Variants in MALT1 observed in about 807,000 individuals in gnomAD.
MALT1 encodes mucosa-associated lymphoid tissue lymphoma translocation protein 1.
MALT1 carries 36 observed loss-of-function variants against 85.5 expected under a neutral mutation model. The ratio of observed to expected loss-of-function variants is 0.42; its 90% confidence interval spans 0.32 to 0.56. MALT1 has a LOEUF of 0.56. Ranked by LOEUF, MALT1 falls within the 20% of genes least tolerant of loss-of-function variation. MALT1 has a pLI of 0.10. For missense variants in MALT1, 716 were observed against 981.6 expected (o/e 0.73, Z 3.62); for synonymous variants, 359 against 361.3 (o/e 0.99, Z 0.07).
chr18:58,672,411 C>T (rs2054178267), intron 1 of MALT1: 1 of 152,208 alleles, frequency 6.6e-6, no homozygotes, highest in South Asian at 2.1e-4. Flanking sequence ...TTCTTGACTT[C>T]ACCATGAACA....
chr18:58,727,280 TTTTTTTTGGTTTTGGG>T (rs2055069042), intron 10 of MALT1, among the ~76,000 whole-genome samples: 1 of 129,080 alleles, frequency 7.7e-6, no homozygotes, highest in Non-Finnish European at 1.7e-5. Flanking sequence ...TTTTTGGGTT[TTTTTTTTGGTTTTGGG>T]TTTTTGTTTG....
rs2055433420 is a variant in MALT1 at position 58,750,554 on chromosome 18, A to C, written c.*2712A>C. 1 of 152,204 alleles carries C rather than the reference A, an allele frequency of 6.6e-6. No individual in the cohort carries two copies. The allele number at this position is 152,204 out of a possible 1,614,324, so 9.4% of individuals were successfully genotyped here. ...ATAGACATATCGATCAGAGGAATGG[A>C]ACTGAACATCCAGAAATAAACCCAT... On this transcript the variant is annotated 3_prime_UTR_variant, in exon 17 of 17. Coordinates refer to ENST00000649217, the MANE Select transcript of MALT1 (RefSeq NM_006785.4).
At chr18:58,726,829 G>A (rs558661547) in intron 10 of MALT1, among the ~76,000 whole-genome samples, 171 of 152,292 alleles carry the variant, frequency 1.1e-3, no homozygotes, top group African/African-American at 3.9e-3. Context: ...GTAGAAGAAC[G>A]GTAAAGGAGT....
At chr18:58,715,209 T>G (rs1208139653) in intron 8 of MALT1, among the ~76,000 whole-genome samples, 1 of 152,228 alleles carries the variant, frequency 6.6e-6, no homozygotes, top group Admixed American at 6.5e-5. Context: ...AATTCTTGCT[T>G]TTCTTTAATG....
In MALT1 at chr18:58,741,930, A is replaced by G; in HGVS notation, c.1669A>G (p.Lys557Glu). 6.4e-7 allele frequency: 1 copy of G among 1,572,812 alleles called. No individual in the cohort carries two copies. Among genetic ancestry groups the G allele is most frequent in the East Asian group, 2.2e-5 (1 of 44,448 alleles). The change falls in exon 14 of 17, where the codon AAG becomes GAG. Residue 557 changes from lysine to glutamate, a missense_variant. Lys to Glu is a moderately conservative substitution (Grantham distance 56). Around this residue, in one of 4 missense-constraint regions of MALT1, gnomAD observed 260 missense variants for 323.7 expected, o/e 0.80. Transcript: ENST00000649217. ...AGAGATTCGAAGTAGTTTATCTGAG[A>G]AGAGAGCACTTACTGATCCAATACA... is the stretch of plus-strand genomic sequence containing the variant. ...ALEIRSSLSE[K>E]RALTDPIQGT...
At chr18:58,734,730 A>C (rs2055201529) in intron 12 of MALT1, among the ~76,000 whole-genome samples, 1 of 152,226 alleles carries the variant, frequency 6.6e-6, no homozygotes, top group Admixed American at 6.5e-5. Context: ...TTAATTATTA[A>C]GCCCAAATTG....
In MALT1 at chr18:58,747,739, C is replaced by T. The variant is rs139583101; in HGVS notation, c.2372C>T (p.Ala791Val). Residue 791 changes from alanine to valine, a missense_variant, in exon 17 of 17, where the codon GCT becomes GTT. Ala to Val is a moderately conservative substitution (Grantham distance 64, BLOSUM62 0). Around this residue, in one of 4 missense-constraint regions of MALT1, gnomAD observed 260 missense variants for 323.7 expected, o/e 0.80. Transcript: ENST00000649217. Reference sequence around the variant, plus strand: ...CCAGATGCATTTATTTCAAGTTTCGCTCACCATGCTTCATGTCATTTTAGT... The same window carrying T: ...CCAGATGCATTTATTTCAAGTTTCGTTCACCATGCTTCATGTCATTTTAGT... The part of the protein sequence containing the change: ...RTPDAFISSF[A>V]HHASCHFSRS... 1.2e-6 allele frequency: 2 copies of T among 1,614,016 alleles called. No homozygotes were observed. Among genetic ancestry groups the T allele is most frequent in the East Asian group, 2.2e-5 (1 of 44,904 alleles).
At chr18:58,712,915 T>G (rs1256566824) in intron 7 of MALT1, among the ~76,000 whole-genome samples, 1 of 152,174 alleles carries the variant, frequency 6.6e-6, no homozygotes, top group Non-Finnish European at 1.5e-5. Flanking sequence ...TGAATACATG[T>G]ATACAAATTT....
intron 2 of MALT1, among the ~76,000 whole-genome samples, chr18:58,682,218 C>A (rs970836504): frequency 1.3e-5 from 2 of 152,138 alleles, no homozygotes; most frequent in African/African-American, 4.8e-5. Context: ...ACATGAGGAA[C>A]TTAAAACCAT....
chr18:58,704,379 G>C (rs1008198947), intron 4 of MALT1, among the ~76,000 whole-genome samples: 1 of 152,202 alleles, frequency 6.6e-6, no homozygotes, highest in Non-Finnish European at 1.5e-5. Context: ...TGGTCATTAT[G>C]AAATGCTCCT....
At chr18:58,703,599 CAG>C (rs745723783) in intron 4 of MALT1, among the ~76,000 whole-genome samples, 18 of 152,184 alleles carry the variant, frequency 1.2e-4, no homozygotes, top group South Asian at 4.1e-4. Flanking sequence ...AGAGAGCAAA[CAG>C]GGGAAATGCC....
At chr18:58,677,733 G>A (rs2054262198) in intron 1 of MALT1, 1 of 152,138 alleles carries the variant, frequency 6.6e-6, no homozygotes, top group Admixed American at 6.5e-5. Flanking sequence ...AGATTGTGCT[G>A]CCACTGGTCT....
intron 3 of MALT1, among the ~76,000 whole-genome samples, chr18:58,697,631 A>C (rs919134154): frequency 3.3e-5 from 5 of 150,988 alleles, no homozygotes; most frequent in African/African-American, 1.2e-4. Flanking sequence ...GAAATAGTGG[A>C]AAAACCCTAC....
chr18:58,737,057 A>G (rs936479437), intron 13 of MALT1, among the ~76,000 whole-genome samples: 1 of 152,122 alleles, frequency 6.6e-6, no homozygotes, highest in Non-Finnish European at 1.5e-5. Flanking sequence ...AACTCATTCC[A>G]TGGCTGGGCA....
In MALT1 at chr18:58,752,286, G is replaced by A. The variant is rs772249756; in HGVS notation, c.*4444G>A. ...GTTTAATATCTAGATAAAATCTGAT[G>A]TATGTAATTTTACTTTTAAGGGTTT... On this transcript the variant is annotated 3_prime_UTR_variant, in exon 17 of 17. Coordinates refer to ENST00000649217, the MANE Select transcript of MALT1 (RefSeq NM_006785.4). 6.6e-6 allele frequency: 1 copy of A among 152,162 alleles called. No individual in the cohort carries two copies. Among genetic ancestry groups the A allele is most frequent in the African/African-American group, 2.4e-5 (1 of 41,440 alleles). 9.4% of individuals were successfully genotyped at this position (152,162 alleles called of 1,614,324 possible). A position where few individuals can be genotyped will look rare whatever the true frequency, so the allele number is the denominator to read the frequency against.
At chr18:58,734,990 T>C (rs1412647759) in intron 12 of MALT1, among the ~76,000 whole-genome samples, 4 of 152,212 alleles carry the variant, frequency 2.6e-5, no homozygotes, top group Non-Finnish European at 4.4e-5. Context: ...ATAATTCACA[T>C]ATCACCTCAA....
chr18:58,740,194 G>A (rs570909482), intron 13 of MALT1, among the ~76,000 whole-genome samples: 7 of 152,152 alleles, frequency 4.6e-5, no homozygotes, highest in East Asian at 3.9e-4. Context: ...TTATATATCC[G>A]TTTTCATCAG....
chr18:58,727,274 TG>T (rs954239922), intron 10 of MALT1, among the ~76,000 whole-genome samples: 2 of 18,836 alleles, frequency 1.1e-4, no homozygotes, highest in Admixed American at 1.8e-3. Context: ...TAAGGTTTTT[TG>T]GGTTTTTTTT....
At chr18:58,679,323 C>G (rs2054286212) in intron 1 of MALT1, among the ~76,000 whole-genome samples, 1 of 152,242 alleles carries the variant, frequency 6.6e-6, no homozygotes, top group South Asian at 2.1e-4. Context: ...GGTTAGCAAA[C>G]TATTTCCATA....
Sources: gnomAD v4.1 joint callset for allele counts (sites outside exome capture counted in the v4.1 genomes callset) on GRCh38, gnomAD v4.1.1 for gene constraint, gnomAD v4.1.1 regional missense constraint, MANE v1.5 for transcripts, NCBI Gene and HGNC (gene_info 2026-07-23, HGNC 2026-07-21) for gene names.